The following PTPRD variants were observed in gnomAD, a reference collection of about 807,000 sequenced individuals.
PTPRD encodes the protein protein tyrosine phosphatase receptor type D, also known as receptor-type tyrosine-protein phosphatase delta.
Under a neutral mutation model 214.5 loss-of-function variants are expected in PTPRD, and 34 were observed. The ratio of observed to expected loss-of-function variants is 0.16; its 90% CI spans 0.12 to 0.21. The LOEUF (loss-of-function observed/expected upper bound fraction) is 0.21. Among genes scored for constraint, PTPRD ranks in the 10% least tolerant of loss-of-function variants. The pLI, the probability that PTPRD is intolerant of heterozygous loss-of-function variation, is 1.00. For synonymous variants in PTPRD, 1,128 were observed against 845.7 expected (o/e 1.33, Z -5.79); for missense variants, 2,545 against 2,398.7 (o/e 1.06, Z -1.27).
At chr9:8,607,851 GC>G (rs1248829727) in intron 14 of PTPRD, among the ~76,000 whole-genome samples, 4 of 152,004 alleles carry the variant, frequency 2.6e-5, no homozygotes, top group Non-Finnish European at 5.9e-5. Context: ...TAATTTTAAG[GC>G]AACCTAGCAA....
At chr9:10,606,647 A>G (rs61275233) in intron 2 of PTPRD, among the ~76,000 whole-genome samples, 19,573 of 150,712 alleles carry the variant, frequency 0.13, 2,075 homozygotes, top group African/African-American at 0.29. Flanking sequence ...CTAGGCCTTT[A>G]TCTTAACTGA....
rs1427203537 is a variant in PTPRD, at chr9:8,374,089, TTTAAA to T, written c.4661+1842_4661+1846del. 9.7e-4 allele frequency among the ~76,000 whole-genome samples: 147 copies of T among 151,236 alleles called. 1 individual carries two copies. Among genetic ancestry groups the T allele is most frequent in the African/African-American group, 3.5e-3 (143 of 41,200 alleles). On this transcript the variant is annotated intron_variant, in intron 39 of 45. Coordinates refer to ENST00000381196, the MANE Select transcript of PTPRD (RefSeq NM_002839.4). ...TGTCTCTAATTTTTGTTCCCATTAT[TTTAAA>T]CATATAATTACACACGTGTCTGTGT...
At chr9:10,251,002 T>G (rs2092710491) in intron 3 of PTPRD, among the ~76,000 whole-genome samples, 1 of 152,066 alleles carries the variant, frequency 6.6e-6, no homozygotes, top group Non-Finnish European at 1.5e-5. Context: ...ATGTAATTGT[T>G]TATGTTATCA....
Position 10,410,301 on chromosome 9 carries a change from A to AAT in PTPRD, c.-599-69286_-599-69285dup, listed in dbSNP as rs1312974070. 4.1e-5 allele frequency among the ~76,000 whole-genome samples: 6 copies of AAT among 145,686 alleles called. No homozygotes were observed. In the South Asian group the frequency reaches 6.4e-4, roughly 16 times the overall value. ...CACACACACAATATATAATATATAT[A>AAT]ATATATATATAAAACATAAATTTAT... is the stretch of plus-strand genomic sequence containing the variant. On this transcript the variant is annotated intron_variant, in intron 2 of 45. Transcript: ENST00000381196.
At position 9,057,442 on chromosome 9, in the gene PTPRD, A is replaced by C. The variant is rs112344381; in HGVS notation, c.-142-38707T>G. Among the ~76,000 whole-genome samples the C allele has an allele frequency of 5.6e-3, 857 of 152,314 alleles. 16 individuals are homozygous for C. Among genetic ancestry groups the C allele is most frequent in the African/African-American group, 0.02 (822 of 41,574 alleles). On this transcript the variant is annotated intron_variant, in intron 10 of 45. Coordinates refer to ENST00000381196, the MANE Select transcript of PTPRD (RefSeq NM_002839.4). ...AAATTAAAACTTTTTGGGTGGTTTAAATGGATTTTACTTTGAAAACTATAT... is the reference window on the plus strand; with the variant it reads ...AAATTAAAACTTTTTGGGTGGTTTACATGGATTTTACTTTGAAAACTATAT...
chr9:9,741,449 CTTT>C (rs77515920), intron 6 of PTPRD, among the ~76,000 whole-genome samples: 37 of 151,356 alleles, frequency 2.4e-4, no homozygotes, highest in South Asian at 1.0e-3. Flanking sequence ...TTTGAGTTGG[CTTT>C]TTTTTTTAAA....
At chr9:9,990,935 G>GTT (rs1372333661) in intron 4 of PTPRD, among the ~76,000 whole-genome samples, 1 of 62,382 alleles carries the variant, frequency 1.6e-5, no homozygotes, top group Non-Finnish European at 2.9e-5. Context: ...GAGTAAAATA[G>GTT]TCTTTTTTTT....
At chr9:8,797,324 A>G (rs1323389002) in intron 11 of PTPRD, 1 of 152,222 alleles carries the variant, frequency 6.6e-6, no homozygotes, top group Non-Finnish European at 1.5e-5. Flanking sequence ...AATAATATGA[A>G]AAGCTCATTT....
At chr9:8,766,086 A>G (rs1244884126) in intron 11 of PTPRD, among the ~76,000 whole-genome samples, 1 of 151,984 alleles carries the variant, frequency 6.6e-6, no homozygotes, top group Non-Finnish European at 1.5e-5. Context: ...TGTCCATACC[A>G]AGAGTTTCCT....
chr9:8,871,924 G>C (rs1432094472), intron 11 of PTPRD, among the ~76,000 whole-genome samples: 1 of 152,054 alleles, frequency 6.6e-6, no homozygotes, highest in African/African-American at 2.4e-5. Context: ...ATTCAGATTG[G>C]CATCATTGTA....
At chr9:10,169,238 G>A (rs1205485313) in intron 3 of PTPRD, among the ~76,000 whole-genome samples, 1 of 152,024 alleles carries the variant, frequency 6.6e-6, no homozygotes, top group Non-Finnish European at 1.5e-5. Context: ...ACTTTGGGAG[G>A]CCGAGGCAGG....
At chr9:8,323,349 T>G (rs1830354349) in intron 44 of PTPRD, among the ~76,000 whole-genome samples, 1 of 152,214 alleles carries the variant, frequency 6.6e-6, no homozygotes, top group South Asian at 2.1e-4. Flanking sequence ...AAAGTTTTGT[T>G]ATTTAAGAAC....
intron 14 of PTPRD, among the ~76,000 whole-genome samples, chr9:8,626,505 T>C (rs759837367): frequency 6.6e-6 from 1 of 151,838 alleles, no homozygotes; most frequent in Non-Finnish European, 1.5e-5. Context: ...AGGCGAAATA[T>C]CTGGGGTGCT....
chr9:8,833,926 C>CT (rs772558573), intron 11 of PTPRD, among the ~76,000 whole-genome samples: 18,439 of 151,784 alleles, frequency 0.12, 1,371 homozygotes, highest in East Asian at 0.27. Context: ...ATTAAAAACA[C>CT]CGGGCATTTT....
At chr9:8,856,660 C>T (rs1360765569) in intron 11 of PTPRD, among the ~76,000 whole-genome samples, 2 of 152,006 alleles carry the variant, frequency 1.3e-5, no homozygotes, top group African/African-American at 4.8e-5. Context: ...TTTTAGAAAA[C>T]GGAGGAGACA....
At chr9:10,597,511 C>A (rs1027814355) in intron 2 of PTPRD, among the ~76,000 whole-genome samples, 4 of 151,714 alleles carry the variant, frequency 2.6e-5, no homozygotes, top group Admixed American at 6.6e-5. Context: ...TCAAAAAATG[C>A]AGTTGGGCTT....
At position 10,562,126 on chromosome 9, in the gene PTPRD, C is replaced by A. The variant is rs115686747; in HGVS notation, c.-600+50272G>T. ...TTTACTGCTCTATCTCATTATGAAT[C>A]CTTTCATCCTATATGTGAGACATCC... On this transcript the variant is annotated intron_variant, in intron 2 of 45. Transcript: ENST00000381196. 5.7e-3 allele frequency among the ~76,000 whole-genome samples: 861 copies of A among 152,138 alleles called. 9 individuals are homozygous for A. The highest frequency in any genetic ancestry group is 0.02 in the African/African-American group (823 of 41,520).
At chr9:9,887,547 C>T (rs1160045959) in intron 5 of PTPRD, among the ~76,000 whole-genome samples, 9 of 152,154 alleles carry the variant, frequency 5.9e-5, no homozygotes, top group Non-Finnish European at 1.5e-5. Context: ...GGCAGAACAA[C>T]ATTAGATGTT....
At chr9:9,956,297 A>T (rs904991418) in intron 4 of PTPRD, among the ~76,000 whole-genome samples, 1 of 148,908 alleles carries the variant, frequency 6.7e-6, no homozygotes, top group Non-Finnish European at 1.5e-5. Flanking sequence ...AAAAAAAAAA[A>T]CTCTACCAAA....
Sources: gnomAD v4.1 joint callset for allele counts (sites outside exome capture counted in the v4.1 genomes callset) on GRCh38, gnomAD v4.1.1 for gene constraint, MANE v1.5 for transcripts, NCBI Gene and HGNC (gene_info 2026-07-23, HGNC 2026-07-21) for gene names.